The following MDGA2 variants were observed in gnomAD, a reference collection of about 807,000 sequenced individuals.
The protein encoded by MDGA2 is MAM domain containing glycosylphosphatidylinositol anchor 2.
Under a neutral mutation model 117.8 loss-of-function variants are expected in MDGA2, and 40 were observed. The observed-to-expected ratio is 0.34, with a 90% CI of 0.26 to 0.44. The LOEUF (loss-of-function observed/expected upper bound fraction) is 0.44. Among genes scored for constraint, MDGA2 ranks in the 20% least tolerant of loss-of-function variants. The pLI is 1.00. For missense variants in MDGA2, 1,123 were observed against 1,250.6 expected, an observed-to-expected ratio of 0.90 and a Z score of 1.54; for synonymous variants, 452 against 439.0, an observed-to-expected ratio of 1.03 and a Z score of -0.37.
intron 9 of MDGA2, among the ~76,000 whole-genome samples, chr14:46,929,648 C>A (rs371772745): frequency 4.1e-4 from 3 of 7,374 alleles, no homozygotes; most frequent in East Asian, 3.5e-3. Context: ...TATATATATA[C>A]ATTTTTTTTT....
intron 6 of MDGA2, among the ~76,000 whole-genome samples, chr14:47,071,430 A>T (rs1890277450): frequency 6.6e-6 from 1 of 152,172 alleles, no homozygotes; most frequent in Non-Finnish European, 1.5e-5. Flanking sequence ...AATATGCTAT[A>T]ATATGTTATA....
At chr14:47,234,966 G>A (rs568288632) in intron 2 of MDGA2, among the ~76,000 whole-genome samples, 7 of 152,052 alleles carry the variant, frequency 4.6e-5, no homozygotes, top group Admixed American at 2.0e-4. Context: ...ATTTGAACAC[G>A]TAATTATGAT....
intron 2 of MDGA2, among the ~76,000 whole-genome samples, chr14:47,241,746 C>T (rs780875487): frequency 1.3e-5 from 2 of 151,798 alleles, no homozygotes; most frequent in Admixed American, 6.6e-5. Context: ...AACCCTAGCA[C>T]ATATTTTATG....
At chr14:47,553,763 A>G (rs1288102980) in intron 1 of MDGA2, among the ~76,000 whole-genome samples, 2 of 152,260 alleles carry the variant, frequency 1.3e-5, no homozygotes, top group Admixed American at 1.3e-4. Context: ...AATATGGCAT[A>G]AAAGTATATA....
intron 8 of MDGA2, among the ~76,000 whole-genome samples, chr14:47,030,005 T>C (rs911077642): frequency 6.6e-6 from 1 of 151,826 alleles, no homozygotes; most frequent in African/African-American, 2.4e-5. Flanking sequence ...TTTTTGTATT[T>C]TTAATAGAGT....
intron 1 of MDGA2, among the ~76,000 whole-genome samples, chr14:47,561,080 T>C (rs1376857941): frequency 1.3e-5 from 2 of 151,890 alleles, no homozygotes; most frequent in Admixed American, 1.3e-4. Flanking sequence ...TGCCACGCTA[T>C]TTTGGTTACT....
At chr14:47,529,085 G>A (rs1000752522) in intron 1 of MDGA2, among the ~76,000 whole-genome samples, 4 of 150,752 alleles carry the variant, frequency 2.7e-5, no homozygotes, top group Admixed American at 1.3e-4. Context: ...TACAAGCTCC[G>A]CCCCCCGGGT....
chr14:46,999,082 T>C (rs1168420807), intron 8 of MDGA2, among the ~76,000 whole-genome samples: 1 of 152,116 alleles, frequency 6.6e-6, no homozygotes, highest in Non-Finnish European at 1.5e-5. Context: ...CTGGCTATTA[T>C]TATTTTTATT....
At chr14:47,195,203 T>C (rs565689281) in intron 3 of MDGA2, among the ~76,000 whole-genome samples, 158 of 152,176 alleles carry the variant, frequency 1.0e-3, no homozygotes, top group Non-Finnish European at 1.8e-3. Flanking sequence ...CAAGTTTCAA[T>C]GATTGTATTT....
intron 6 of MDGA2, among the ~76,000 whole-genome samples, chr14:47,092,385 C>G (rs1471391030): frequency 6.6e-6 from 1 of 152,106 alleles, no homozygotes; most frequent in Non-Finnish European, 1.5e-5. Context: ...AAGTGCAAAA[C>G]AGACCTCTTT....
At chr14:46,953,610 C>G (rs1000380302) in intron 9 of MDGA2, among the ~76,000 whole-genome samples, 2 of 148,522 alleles carry the variant, frequency 1.3e-5, no homozygotes, top group African/African-American at 5.1e-5. Flanking sequence ...AAAAACTATG[C>G]TTTTTTTCAC....
In MDGA2 at chr14:47,042,982, T is replaced by G. The variant is rs1228676157; in HGVS notation, c.1526-7678A>C. 2.0e-5 allele frequency among the ~76,000 whole-genome samples: 3 copies of G among 152,228 alleles called. No individual in the cohort carries two copies. In the East Asian group the frequency reaches 5.8e-4, roughly 29 times the overall value. On this transcript the variant is annotated intron_variant, in intron 7 of 16. Coordinates refer to ENST00000399232, the MANE Select transcript of MDGA2 (RefSeq NM_001113498.3). ...AATTTATAAGAACACCAATTGTCAG[T>G]GGCCACTGGAAAATATTCATATAAT...
intron 8 of MDGA2, among the ~76,000 whole-genome samples, chr14:46,969,932 CCATATATATATATATA>C (rs1458059308): frequency 8.0e-5 from 2 of 24,974 alleles, no homozygotes; most frequent in African/African-American, 1.8e-4. Context: ...TTAAAGTATT[CCATATATATATATATA>C]TATATATATA....
intron 2 of MDGA2, among the ~76,000 whole-genome samples, chr14:47,273,314 T>C (rs1306752764): frequency 6.6e-6 from 1 of 152,170 alleles, no homozygotes; most frequent in African/African-American, 2.4e-5. Context: ...CAGTGGAATC[T>C]TTCAGTAAAA....
chr14:47,629,759 G>A (rs1448309052), intron 1 of MDGA2, among the ~76,000 whole-genome samples: 1 of 152,118 alleles, frequency 6.6e-6, no homozygotes, highest in African/African-American at 2.4e-5. Context: ...TCTTCCTAAA[G>A]GAATAAACAT....
intron 10 of MDGA2, among the ~76,000 whole-genome samples, chr14:46,901,364 A>G (rs916994217): frequency 1.3e-5 from 2 of 152,178 alleles, no homozygotes; most frequent in Non-Finnish European, 2.9e-5. Context: ...TATCAAAGAA[A>G]TATAAAATAT....
Position 46,920,021 on chromosome 14 carries a change from G to A in MDGA2, c.2229C>T (p.Gly743=). The change falls in exon 10 of 17, where the codon GGC becomes GGT. Residue 743 remains glycine (G), a synonymous_variant. Transcript: ENST00000399232. ...CAGTTAGATTTCTCACCTGCCTGAT[G>A]CCCAACCGGTATGCAACAATCCGAT... ...AVDRIVAYRL[G]IRQAGQQRWW... is the part of the protein sequence containing the mutation. 1.3e-6 allele frequency: 2 copies of A among 1,577,992 alleles called. No homozygotes were observed. The highest frequency in any genetic ancestry group is 1.7e-6 in the Non-Finnish European group (2 of 1,166,122).
chr14:47,065,550 C>T (rs981986478), intron 6 of MDGA2, among the ~76,000 whole-genome samples: 20 of 152,244 alleles, frequency 1.3e-4, no homozygotes, highest in African/African-American at 4.1e-4. Flanking sequence ...GTGGTTTCCA[C>T]AAAGAGGAGG....
chr14:47,187,929 G>GTC (rs1884970829), intron 3 of MDGA2, among the ~76,000 whole-genome samples: 1 of 152,006 alleles, frequency 6.6e-6, no homozygotes, highest in Admixed American at 6.6e-5. Flanking sequence ...GTGTGTGTGT[G>GTC]TGTGTGTGTG....
Sources: gnomAD v4.1 joint callset for allele counts (sites outside exome capture counted in the v4.1 genomes callset) on GRCh38, gnomAD v4.1.1 for gene constraint, MANE v1.5 for transcripts, NCBI Gene and HGNC (gene_info 2026-07-23, HGNC 2026-07-21) for gene names.